The following VPS13B variants were observed in gnomAD, a reference collection of about 807,000 sequenced individuals.
VPS13B encodes intermembrane lipid transfer protein VPS13B.
In VPS13B, 285 loss-of-function variants were observed where a neutral mutation model predicts 426.4. The observed-to-expected ratio is 0.67, with a 90% CI of 0.61 to 0.74. The LOEUF (loss-of-function observed/expected upper bound fraction) is 0.74. Among genes scored for constraint, VPS13B ranks in the 30% least tolerant of loss-of-function variants. The pLI, the probability that VPS13B is intolerant of heterozygous loss-of-function variation, is 0.00. For synonymous variants in VPS13B, 1,676 were observed against 1,676.4 expected (o/e 1.00, Z 0.01); for missense variants, 4,537 against 4,782.6 (o/e 0.95, Z 1.51).
At chr8:99,824,609 ATTATAC>A (rs1814565060) in intron 51 of VPS13B, among the ~76,000 whole-genome samples, 2 of 138,650 alleles carry the variant, frequency 1.4e-5, no homozygotes, top group African/African-American at 5.4e-5. Flanking sequence ...TTTTTTTTTA[ATTATAC>A]TTTTAAGTTC....
At chr8:99,434,170 A>G (rs1002104353) in intron 22 of VPS13B, among the ~76,000 whole-genome samples, 1 of 152,198 alleles carries the variant, frequency 6.6e-6, no homozygotes, top group Non-Finnish European at 1.5e-5. Flanking sequence ...TTTGATTAAG[A>G]TCAAAATTCA....
chr8:99,820,431 A>T (rs1468940339), intron 49 of VPS13B, among the ~76,000 whole-genome samples: 1 of 152,158 alleles, frequency 6.6e-6, no homozygotes, highest in Non-Finnish European at 1.5e-5. Flanking sequence ...TATTAAGGAA[A>T]TAGAGCCATC....
chr8:99,170,224 C>T, intron 16 of VPS13B, 61 bp downstream of exon 16: 1 of 1,574,438 alleles, frequency 6.4e-7, no homozygotes, highest in East Asian at 2.3e-5. Context: ...AGGGAAAAAA[C>T]CCCCAAATGT....
chr8:99,074,954 T>C (rs1845041570), intron 3 of VPS13B, among the ~76,000 whole-genome samples: 1 of 152,108 alleles, frequency 6.6e-6, no homozygotes, highest in African/African-American at 2.4e-5. Flanking sequence ...TTTTAATTGT[T>C]GTTGTGTCCT....
intron 36 of VPS13B, among the ~76,000 whole-genome samples, chr8:99,709,563 T>A (rs1832630281): frequency 6.6e-6 from 1 of 152,228 alleles, no homozygotes. Context: ...TTTCTCAATG[T>A]TGCTACACCT....
At chr8:99,309,728 C>T (rs189582425) in intron 19 of VPS13B, among the ~76,000 whole-genome samples, 11 of 151,926 alleles carry the variant, frequency 7.2e-5, no homozygotes, top group South Asian at 4.1e-4. Context: ...GAAAGTCATC[C>T]GTAGCTTGAT....
intron 30 of VPS13B, among the ~76,000 whole-genome samples, chr8:99,531,022 A>G (rs1563779277): frequency 6.6e-6 from 1 of 152,202 alleles, no homozygotes; most frequent in Non-Finnish European, 1.5e-5. Context: ...TTTATATTCC[A>G]TTAAATTTTG....
chr8:99,192,790 C>T, intron 16 of VPS13B, 86 bp from the exon 17 acceptor site: 1 of 1,462,162 alleles, frequency 6.8e-7, no homozygotes, highest in Non-Finnish European at 9.5e-7. Flanking sequence ...TATACCCTTT[C>T]TTCCCTTGCA....
chr8:99,686,069 G>A (rs192149000), intron 35 of VPS13B, among the ~76,000 whole-genome samples: 45 of 152,288 alleles, frequency 3.0e-4, no homozygotes, highest in South Asian at 1.0e-3. Context: ...ATCTGCATTA[G>A]GGGGCACCCA....
intron 25 of VPS13B, among the ~76,000 whole-genome samples, chr8:99,494,326 A>G (rs1018123930): frequency 4.6e-5 from 7 of 152,104 alleles, no homozygotes; most frequent in Non-Finnish European, 1.0e-4. Context: ...TAAATCTTCC[A>G]ATGTATGAAC....
chr8:99,817,390 C>G, intron 44 of VPS13B, 150 bp from the exon 45 acceptor site: 1 of 1,073,566 alleles, frequency 9.3e-7, no homozygotes, highest in Admixed American at 2.7e-5. Context: ...TTCTTGACTT[C>G]AAGTCTTTTT....
chr8:99,784,354 T>A lies in VPS13B; in HGVS notation c.7819T>A (p.Phe2607Ile). ...GGTAGAGGAGTTGGTCTTCAGCCAT[T>A]TTGTGATCTGTAATGACACACAGGA... ...PEVEELVFSH[F>I]VICNDTQETL... is the part of the protein sequence containing the mutation. The change falls in exon 43 of 62, where the codon TTT becomes ATT. Residue 2607 changes from phenylalanine to isoleucine, a missense_variant. This residue lies in a region of VPS13B where 4,311 missense variants were observed against 4,474.3 expected (regional missense o/e 0.96). Coordinates refer to ENST00000357162, the MANE Select transcript of VPS13B (RefSeq NM_152564.5). 1 of 1,613,712 alleles carries A rather than the reference T, an allele frequency of 6.2e-7. No individual in the cohort carries two copies. The highest frequency in any genetic ancestry group is 8.5e-7 in the Non-Finnish European group (1 of 1,179,682).
chr8:99,651,026 A>C (rs1438247899), intron 34 of VPS13B, among the ~76,000 whole-genome samples: 1 of 152,204 alleles, frequency 6.6e-6, no homozygotes, highest in African/African-American at 2.4e-5. Flanking sequence ...ATAGGCTATA[A>C]TGCAAATACC....
chr8:99,739,812 C>G (rs574577429), intron 39 of VPS13B, among the ~76,000 whole-genome samples: 1 of 152,160 alleles, frequency 6.6e-6, no homozygotes, highest in Non-Finnish European at 1.5e-5. Flanking sequence ...CACACCAAAA[C>G]CCCATCTGTA....
At chr8:99,255,556 A>C (rs988898135) in intron 17 of VPS13B, among the ~76,000 whole-genome samples, 1 of 152,156 alleles carries the variant, frequency 6.6e-6, no homozygotes, top group South Asian at 2.1e-4. Flanking sequence ...ACATGCCTCC[A>C]CTTATTACTG....
chr8:99,402,650 G>A (rs1005445707), intron 21 of VPS13B, among the ~76,000 whole-genome samples: 10 of 151,702 alleles, frequency 6.6e-5, no homozygotes, highest in African/African-American at 1.5e-4. Context: ...GATCAGAGGA[G>A]TAAAAAGAAA....
At chr8:99,313,252 T>A (rs1166507523) in intron 19 of VPS13B, among the ~76,000 whole-genome samples, 1 of 152,218 alleles carries the variant, frequency 6.6e-6, no homozygotes, top group African/African-American at 2.4e-5. Flanking sequence ...CTCTGATTTT[T>A]AGAATTTTCA....
intron 57 of VPS13B, among the ~76,000 whole-genome samples, chr8:99,861,376 A>C (rs927484769): frequency 6.6e-6 from 1 of 152,212 alleles, no homozygotes; most frequent in African/African-American, 2.4e-5. Flanking sequence ...ATTGCAGCTC[A>C]CTGCAGCCTT....
chr8:99,373,583 C>T (rs969739519), intron 19 of VPS13B, among the ~76,000 whole-genome samples: 3 of 152,194 alleles, frequency 2.0e-5, no homozygotes, highest in African/African-American at 7.2e-5. Context: ...AGCACTGTGG[C>T]TCACGCCTAT....
Sources: gnomAD v4.1 joint callset for allele counts (sites outside exome capture counted in the v4.1 genomes callset) on GRCh38, gnomAD v4.1.1 for gene constraint, gnomAD v4.1.1 regional missense constraint, MANE v1.5 for transcripts, NCBI Gene and HGNC (gene_info 2026-07-23, HGNC 2026-07-21) for gene names.